The following ITGBL1 variants were observed in gnomAD, a reference collection of about 807,000 sequenced individuals.
ITGBL1 encodes integrin subunit beta like 1, also known as integrin beta-like protein 1.
ITGBL1 carries 51 observed loss-of-function variants against 68.5 expected under a neutral mutation model. That is an observed-to-expected ratio of 0.74 (90% CI 0.59 to 0.94). The LOEUF (loss-of-function observed/expected upper bound fraction) is 0.94. Ranked by LOEUF, ITGBL1 falls within the 40% of genes least tolerant of loss-of-function variation. ITGBL1 has a pLI of 0.00. For missense variants in ITGBL1, 649 were observed against 647.4 expected, an observed-to-expected ratio of 1.00 and a Z score of -0.03; for synonymous variants, 209 against 227.3, an observed-to-expected ratio of 0.92 and a Z score of 0.72.
In ITGBL1 at chr13:101,594,934, C is replaced by T. The variant is rs181620869; in HGVS notation, c.869-3219C>T. Among the ~76,000 whole-genome samples, 403 of 152,110 alleles carry T rather than the reference C, an allele frequency of 2.6e-3. 1 individual carries two copies. Among genetic ancestry groups the T allele is most frequent in the African/African-American group, 9.2e-3 (382 of 41,478 alleles). On this transcript the variant is annotated intron_variant, in intron 6 of 10. Transcript: ENST00000376180. Reference sequence around the variant, plus strand: ...ACTAAAAATACAAAAATTAGCCGGGCGTGTTGACGCACACCTGTAGTCCCA... The same window carrying T: ...ACTAAAAATACAAAAATTAGCCGGGTGTGTTGACGCACACCTGTAGTCCCA...
chr13:101,549,606 TATATG>T (rs554616061), intron 2 of ITGBL1, among the ~76,000 whole-genome samples: 145 of 151,940 alleles, frequency 9.5e-4, no homozygotes, highest in African/African-American at 3.2e-3. Flanking sequence ...ATAAGCCAAA[TATATG>T]AGGAGAACTT....
chr13:101,656,863 A>G (rs1175389523), intron 7 of ITGBL1, among the ~76,000 whole-genome samples: 1 of 151,908 alleles, frequency 6.6e-6, no homozygotes, highest in Non-Finnish European at 1.5e-5. Flanking sequence ...TACATCTTAA[A>G]TATATAGTCA....
intron 2 of ITGBL1, among the ~76,000 whole-genome samples, chr13:101,566,648 A>T (rs1054172635): frequency 1.3e-5 from 2 of 152,146 alleles, no homozygotes; most frequent in African/African-American, 4.8e-5. Context: ...ATACTGACCA[A>T]CCATCTGGAC....
chr13:101,669,367 T>A (rs962782257), intron 7 of ITGBL1, among the ~76,000 whole-genome samples: 11 of 151,934 alleles, frequency 7.2e-5, no homozygotes, highest in Non-Finnish European at 1.5e-4. Flanking sequence ...GAAAAATAAA[T>A]GTTTGTGCTA....
chr13:101,661,291 T>G (rs946608133), intron 7 of ITGBL1, among the ~76,000 whole-genome samples: 1 of 152,230 alleles, frequency 6.6e-6, no homozygotes, highest in African/African-American at 2.4e-5. Flanking sequence ...CCGGAATATC[T>G]TGAAACCTAA....
At chr13:101,639,652 G>A (rs2139426976) in intron 7 of ITGBL1, among the ~76,000 whole-genome samples, 1 of 152,198 alleles carries the variant, frequency 6.6e-6, no homozygotes, top group East Asian at 1.9e-4. Context: ...ATTTATTTTA[G>A]CATGGCTTTA....
chr13:101,609,192 C>T (rs960715911), intron 7 of ITGBL1, among the ~76,000 whole-genome samples: 1 of 152,048 alleles, frequency 6.6e-6, no homozygotes, highest in African/African-American at 2.4e-5. Flanking sequence ...ATGCATCATA[C>T]ATTTCAGAAC....
chr13:101,480,543 A>G (rs1402479439), intron 2 of ITGBL1, among the ~76,000 whole-genome samples: 1 of 152,102 alleles, frequency 6.6e-6, no homozygotes, highest in East Asian at 1.9e-4. Context: ...TTGTAACACA[A>G]ATAAATGATA....
chr13:101,541,054 C>T lies in ITGBL1; in HGVS notation c.317-26645C>T, dbSNP rs535641049. The stretch of plus-strand genomic sequence containing the variant: ...AATTGAATACCCTTTATTTCCTTCT[C>T]CTGCCTGATTGCCCTGGCCAGAACT... On this transcript the variant is annotated intron_variant, in intron 2 of 10. Transcript: ENST00000376180. 9.4e-5 allele frequency among the ~76,000 whole-genome samples: 13 copies of T among 138,042 alleles called. No homozygotes were observed. The South Asian group carries it at 3.1e-3, about 33-fold the overall frequency. 90.6% of individuals were successfully genotyped at this position (138,042 alleles called of 152,430 possible). A position where few individuals can be genotyped will look rare whatever the true frequency, so the allele number is the denominator to read the frequency against.
intron 2 of ITGBL1, among the ~76,000 whole-genome samples, chr13:101,461,914 C>T (rs760613640): frequency 6.6e-6 from 1 of 152,178 alleles, no homozygotes; most frequent in Non-Finnish European, 1.5e-5. Context: ...GTCTCAAGGT[C>T]CCCTGACATG....
chr13:101,568,615 G>A (rs1049772367), intron 3 of ITGBL1, among the ~76,000 whole-genome samples: 1 of 152,020 alleles, frequency 6.6e-6, no homozygotes, highest in Non-Finnish European at 1.5e-5. Context: ...TGGCCTTGAC[G>A]TTGGTGGTTT....
intron 6 of ITGBL1, 80 bp downstream of exon 6, chr13:101,583,436 A>G: frequency 8.4e-7 from 1 of 1,190,752 alleles, no homozygotes; most frequent in Non-Finnish European, 1.2e-6. Flanking sequence ...AAAAGCAATT[A>G]GAAAGAATAA....
intron 7 of ITGBL1, among the ~76,000 whole-genome samples, chr13:101,610,509 T>C (rs954160860): frequency 2.6e-5 from 4 of 152,194 alleles, no homozygotes; most frequent in Admixed American, 2.6e-4. Context: ...ACGATGTTGC[T>C]TATCATAATC....
chr13:101,537,986 CA>C (rs2049609174), intron 2 of ITGBL1, among the ~76,000 whole-genome samples: 1 of 152,046 alleles, frequency 6.6e-6, no homozygotes, highest in African/African-American at 2.4e-5. Flanking sequence ...TAAAGTCTCA[CA>C]CTAATTAAAG....
chr13:101,696,424 C>A (rs1315665796), intron 8 of ITGBL1, among the ~76,000 whole-genome samples: 1 of 152,144 alleles, frequency 6.6e-6, no homozygotes, highest in East Asian at 1.9e-4. Context: ...CCAGTTGTCT[C>A]CATTTCTTGA....
At chr13:101,546,123 A>G (rs1299399128) in intron 2 of ITGBL1, among the ~76,000 whole-genome samples, 3 of 152,226 alleles carry the variant, frequency 2.0e-5, no homozygotes, top group Admixed American at 1.3e-4. Context: ...TTCATGTAGT[A>G]TGATTCCTTT....
intron 7 of ITGBL1, among the ~76,000 whole-genome samples, chr13:101,653,484 C>A (rs2032818035): frequency 6.6e-6 from 1 of 151,882 alleles, no homozygotes; most frequent in East Asian, 1.9e-4. Context: ...AATCAATCAA[C>A]AAAAGTCAGT....
chr13:101,535,243 CA>C (rs571659000), intron 2 of ITGBL1, among the ~76,000 whole-genome samples: 5 of 151,482 alleles, frequency 3.3e-5, no homozygotes, highest in South Asian at 2.1e-4. Context: ...TTTATTAACT[CA>C]AAAAAAAGAG....
intron 7 of ITGBL1, among the ~76,000 whole-genome samples, chr13:101,615,728 G>A (rs2031323995): frequency 6.6e-6 from 1 of 152,032 alleles, no homozygotes; most frequent in Non-Finnish European, 1.5e-5. Flanking sequence ...GTTTGAAGCT[G>A]CAGTGAGCCA....
Sources: gnomAD v4.1 joint callset for allele counts (sites outside exome capture counted in the v4.1 genomes callset) on GRCh38, gnomAD v4.1.1 for gene constraint, MANE v1.5 for transcripts, NCBI Gene and HGNC (gene_info 2026-07-23, HGNC 2026-07-21) for gene names.